AFF2: variants seen among roughly 807,000 people sequenced by gnomAD.
The protein encoded by AFF2 is ALF transcription elongation factor 2.
In AFF2, 14 loss-of-function variants were observed where a neutral mutation model predicts 76.9. The observed-to-expected ratio is 0.18, with a 90% CI of 0.12 to 0.28. The LOEUF is 0.28. Ranked by LOEUF, AFF2 falls within the 10% of genes least tolerant of loss-of-function variation. The pLI is 1.00. For missense variants in AFF2, 868 were observed against 1,001.1 expected, an observed-to-expected ratio of 0.87 and a Z score of 1.79; for synonymous variants, 398 against 366.7, an observed-to-expected ratio of 1.09 and a Z score of -0.98.
At chrX:148,770,980 G>A (rs1244768420) in intron 3 of AFF2, among the ~76,000 whole-genome samples, 2 of 111,872 alleles carry the variant, frequency 1.8e-5, no homozygotes, top group Non-Finnish European at 3.8e-5. Context: ...TTGTACAAAT[G>A]TTGTGATTCA....
chrX:148,771,362 G>A lies in AFF2; in HGVS notation c.1042-38514G>A, dbSNP rs915414887. 4.5e-5 allele frequency among the ~76,000 whole-genome samples: 5 copies of A among 111,922 alleles called. No homozygotes were observed. In the Admixed American group the frequency reaches 4.7e-4, roughly 11 times the overall value. Reference sequence around the variant, plus strand: ...TGTTATTTGAGAGAAGAAAATACCAGTTTTCAAATTCAGGATGTCCAATTA... The same window carrying A: ...TGTTATTTGAGAGAAGAAAATACCAATTTTCAAATTCAGGATGTCCAATTA... On this transcript the variant is annotated intron_variant, in intron 3 of 20. Transcript: ENST00000370460.
chrX:148,958,222 C>A, intron 11 of AFF2, 115 bp from the exon 12 acceptor site: 1 of 1,013,713 alleles, frequency 9.9e-7, no homozygotes, highest in Non-Finnish European at 1.3e-6. Flanking sequence ...CCTACCTAAT[C>A]TAGAAGTTAA....
intron 15 of AFF2, among the ~76,000 whole-genome samples, chrX:148,972,892 G>T (rs1297259025): frequency 2.7e-5 from 1 of 37,490 alleles, no homozygotes; most frequent in African/African-American, 1.0e-4. Flanking sequence ...TTCTTCTAGG[G>T]TTTTTATGGT....
rs1253281591 is a variant in AFF2, at chrX:148,797,895, T to C, written c.1042-11981T>C. ...CTCATTTAGGGATCAAAAAAAGATA[T>C]CTGCTAACATGCACTGTAATTCCTC... is the stretch of plus-strand genomic sequence containing the variant. On this transcript the variant is annotated intron_variant, in intron 3 of 20. Transcript: ENST00000370460. Among the ~76,000 whole-genome samples, 3 of 112,293 alleles carry C rather than the reference T, an allele frequency of 2.7e-5. No homozygotes were observed. The Admixed American group carries it at 2.8e-4, about 11-fold the overall frequency.
chrX:148,506,158 A>C (rs1557232487), intron 1 of AFF2, among the ~76,000 whole-genome samples: 1 of 111,704 alleles, frequency 9.0e-6, no homozygotes, highest in African/African-American at 3.3e-5. Flanking sequence ...ATGAAATCAC[A>C]CAGGTACTCA....
chrX:148,834,164 A>G (rs1282749311), intron 4 of AFF2, among the ~76,000 whole-genome samples: 1 of 112,593 alleles, frequency 8.9e-6, no homozygotes, highest in African/African-American at 3.2e-5. Context: ...GAAGTTATGT[A>G]GAATGCTCTA....
intron 3 of AFF2, among the ~76,000 whole-genome samples, chrX:148,702,925 C>T (rs2054821613): frequency 8.9e-6 from 1 of 112,029 alleles, no homozygotes; most frequent in East Asian, 2.8e-4. Flanking sequence ...CCTCTAGACT[C>T]ACTTGGAAAA....
intron 1 of AFF2, among the ~76,000 whole-genome samples, chrX:148,617,742 C>T (rs782291322): frequency 1.3e-4 from 15 of 112,212 alleles, no homozygotes; most frequent in Admixed American, 9.5e-4. Context: ...TATACCTGTT[C>T]GATAGAATCA....
At chrX:148,525,651 CTT>C (rs1295799177) in intron 1 of AFF2, among the ~76,000 whole-genome samples, 1 of 111,547 alleles carries the variant, frequency 9.0e-6, no homozygotes, top group Non-Finnish European at 1.9e-5. Context: ...TAATTTAACA[CTT>C]AAGTAATTTT....
intron 3 of AFF2, among the ~76,000 whole-genome samples, chrX:148,757,771 T>TA (rs782339749): frequency 8.9e-6 from 1 of 111,959 alleles, no homozygotes; most frequent in African/African-American, 3.2e-5. Flanking sequence ...CAAACCATTT[T>TA]AAAAATCTAT....
chrX:148,552,053 G>T (rs868990501), intron 1 of AFF2, among the ~76,000 whole-genome samples: 1 of 112,721 alleles, frequency 8.9e-6, no homozygotes, highest in Non-Finnish European at 1.9e-5. Context: ...ATTAAGCACT[G>T]TCTTTACTAC....
At chrX:148,878,902 T>C (rs1162991982) in intron 7 of AFF2, among the ~76,000 whole-genome samples, 1 of 112,316 alleles carries the variant, frequency 8.9e-6, no homozygotes, top group Non-Finnish European at 1.9e-5. Flanking sequence ...GTTCCCACAT[T>C]GGGAGGACAT....
chrX:148,861,953 C>G (rs189935490), intron 7 of AFF2, among the ~76,000 whole-genome samples: 1 of 110,712 alleles, frequency 9.0e-6, no homozygotes, highest in East Asian at 2.9e-4. Flanking sequence ...TTGTGAGGAG[C>G]CTTTTGTCTG....
intron 3 of AFF2, among the ~76,000 whole-genome samples, chrX:148,770,199 A>G (rs1378539044): frequency 8.9e-6 from 1 of 111,861 alleles, no homozygotes; most frequent in East Asian, 2.8e-4. Flanking sequence ...CATGATATTC[A>G]CACAAGCATC....
At chrX:148,867,653 A>G (rs1231334480) in intron 7 of AFF2, among the ~76,000 whole-genome samples, 1 of 111,981 alleles carries the variant, frequency 8.9e-6, no homozygotes, top group Non-Finnish European at 1.9e-5. Flanking sequence ...GGCAACACAG[A>G]TGTTCATTCG....
At chrX:148,782,132 A>G (rs1302287484) in intron 3 of AFF2, among the ~76,000 whole-genome samples, 1 of 111,458 alleles carries the variant, frequency 9.0e-6, no homozygotes, top group Admixed American at 9.5e-5. Flanking sequence ...TCCTATTTGG[A>G]CATCTTGCCT....
intron 1 of AFF2, among the ~76,000 whole-genome samples, chrX:148,542,988 T>G (rs1426122032): frequency 8.9e-6 from 1 of 111,859 alleles, no homozygotes; most frequent in Non-Finnish European, 1.9e-5. Context: ...CCAGTTGGCC[T>G]TACTGCTTCT....
At chrX:148,920,633 C>CGTGTGTGT (rs59728216) in intron 9 of AFF2, among the ~76,000 whole-genome samples, 5 of 104,753 alleles carry the variant, frequency 4.8e-5, no homozygotes, top group African/African-American at 1.7e-4. Flanking sequence ...TGTGTGTGCG[C>CGTGTGTGT]GTGTGTGTGT....
intron 1 of AFF2, among the ~76,000 whole-genome samples, chrX:148,537,938 T>G (rs1271648644): frequency 1.3e-4 from 15 of 112,494 alleles, no homozygotes. Context: ...CAAACCCTGA[T>G]AGCTGTGTCC....
Sources: gnomAD v4.1 joint callset for allele counts (sites outside exome capture counted in the v4.1 genomes callset) on GRCh38, gnomAD v4.1.1 for gene constraint, MANE v1.5 for transcripts, NCBI Gene and HGNC (gene_info 2026-07-23, HGNC 2026-07-21) for gene names.